KLHL3: variants seen among roughly 807,000 people sequenced by gnomAD.
KLHL3 encodes the protein kelch like family member 3.
Under a neutral mutation model 70.5 loss-of-function variants are expected in KLHL3, and 19 were observed. The observed-to-expected ratio is 0.27, with a 90% CI of 0.19 to 0.40. KLHL3 has a LOEUF of 0.40. Among genes scored for constraint, KLHL3 ranks in the 10% least tolerant of loss-of-function variants. The pLI, the probability that KLHL3 is intolerant of heterozygous loss-of-function variation, is 1.00. For missense variants in KLHL3, 512 were observed against 771.1 expected, an observed-to-expected ratio of 0.66 and a Z score of 3.98; for synonymous variants, 258 against 290.3, an observed-to-expected ratio of 0.89 and a Z score of 1.13.
Position 137,628,433 on chromosome 5 carries a change from A to G in KLHL3, c.1455T>C (p.Val485=). ...DMSTRRSGAG[V]GVLSGQLYAT... Reference sequence around the variant, plus strand: ...CGTACAGCTGTCCGCTAAGCACTCCAACCCCTGAAAGGCAGAGCACAGCAT... The same window carrying G: ...CGTACAGCTGTCCGCTAAGCACTCCGACCCCTGAAAGGCAGAGCACAGCAT... The change falls in exon 13 of 15, where the codon GTT becomes GTC. Residue 485 remains valine, a synonymous_variant. Transcript: ENST00000309755. The G allele has an allele frequency of 6.2e-7, 1 of 1,614,154 alleles. No individual in the cohort carries two copies. Among genetic ancestry groups the G allele is most frequent in the Non-Finnish European group, 8.5e-7 (1 of 1,180,020 alleles).
chr5:137,632,493 T>C (rs1044629152), intron 12 of KLHL3, among the ~76,000 whole-genome samples: 51 of 152,082 alleles, frequency 3.4e-4, no homozygotes, highest in Admixed American at 2.9e-3. Context: ...TCTTACCATA[T>C]ACAAAAATTA....
intron 4 of KLHL3, among the ~76,000 whole-genome samples, chr5:137,696,661 G>A (rs1167650966): frequency 6.6e-6 from 1 of 152,192 alleles, no homozygotes; most frequent in African/African-American, 2.4e-5. Flanking sequence ...CATAGCCACA[G>A]AGCACAGTGA....
intron 2 of KLHL3, among the ~76,000 whole-genome samples, chr5:137,719,571 C>T (rs1752958207): frequency 6.6e-6 from 1 of 152,246 alleles, no homozygotes. Context: ...ATGTTCAGAG[C>T]CCCGAACCTG....
intron 8 of KLHL3, chr5:137,647,611 G>C: frequency 2.1e-6 from 1 of 472,526 alleles, no homozygotes; most frequent in Non-Finnish European, 4.4e-6. Flanking sequence ...CAGGAAGCGA[G>C]AGTCTCTCTT....
intron 8 of KLHL3, among the ~76,000 whole-genome samples, chr5:137,641,602 G>A (rs1046831226): frequency 2.6e-5 from 4 of 152,112 alleles, no homozygotes; most frequent in Non-Finnish European, 4.4e-5. Context: ...GTGTGAACTC[G>A]CAAAGGCACA....
intron 14 of KLHL3, among the ~76,000 whole-genome samples, chr5:137,622,809 T>C (rs887866317): frequency 6.6e-6 from 1 of 152,238 alleles, no homozygotes; most frequent in Non-Finnish European, 1.5e-5. Context: ...AATCTCACTG[T>C]AAGGGACTGA....
At chr5:137,684,213 T>C (rs989875172) in intron 5 of KLHL3, among the ~76,000 whole-genome samples, 1 of 152,208 alleles carries the variant, frequency 6.6e-6, no homozygotes, top group Non-Finnish European at 1.5e-5. Flanking sequence ...AAATAATAAC[T>C]CTTATACTTA....
At chr5:137,637,106 C>T (rs1451305396) in intron 11 of KLHL3, among the ~76,000 whole-genome samples, 188 bp downstream of exon 11, 1 of 152,176 alleles carries the variant, frequency 6.6e-6, no homozygotes, top group Non-Finnish European at 1.5e-5. Context: ...CAGCCTTGGG[C>T]CAGGAGCTCC....
intron 11 of KLHL3, among the ~76,000 whole-genome samples, chr5:137,636,797 G>A (rs933252717): frequency 6.6e-6 from 1 of 152,130 alleles, no homozygotes; most frequent in Admixed American, 6.5e-5. Flanking sequence ...CAGCTTTCCT[G>A]ACTAGAACTG....
chr5:137,636,954 C>T lies in KLHL3; in HGVS notation c.1321+340G>A, dbSNP rs536762476. On this transcript the variant is annotated intron_variant, in intron 11 of 14. Coordinates refer to ENST00000309755, the MANE Select transcript of KLHL3 (RefSeq NM_017415.3). ...AACTCTCACTCTACTACATTATCCT[C>T]CTGGGTTATATGCTGAATATGGATT... is the stretch of plus-strand genomic sequence containing the variant. Among the ~76,000 whole-genome samples, 9 of 152,310 alleles carry T rather than the reference C, an allele frequency of 5.9e-5. No individual in the cohort carries two copies. The East Asian group carries it at 1.7e-3, about 29-fold the overall frequency.
At position 137,677,605 on chromosome 5, in the gene KLHL3, A is replaced by G. The variant is rs768027611; in HGVS notation, c.576T>C (p.Ser192=). Residue 192 remains serine (S), a synonymous_variant, in exon 6 of 15, where the codon AGT becomes AGC. Coordinates refer to ENST00000309755, the MANE Select transcript of KLHL3 (RefSeq NM_017415.3). ...VMLGEEFLSL[S]LDQVCSLISS... is the part of the protein sequence containing the mutation. ...ATATCAAGCTGCACACCTGGTCCAG[A>G]CTCAGGCTAAGAAATTCTTCTCCTA... is the stretch of plus-strand genomic sequence containing the variant. 3.7e-6 allele frequency: 6 copies of G among 1,610,448 alleles called. No individual in the cohort carries two copies. The highest frequency in any genetic ancestry group is 5.1e-6 in the Non-Finnish European group (6 of 1,178,516).
chr5:137,684,461 C>A (rs1752113074), intron 5 of KLHL3, among the ~76,000 whole-genome samples: 2 of 152,034 alleles, frequency 1.3e-5, no homozygotes. Flanking sequence ...ATGACTCAAT[C>A]AATCAAAAAA....
intron 6 of KLHL3, among the ~76,000 whole-genome samples, chr5:137,675,969 T>C (rs1347176422): frequency 6.6e-6 from 1 of 152,204 alleles, no homozygotes; most frequent in African/African-American, 2.4e-5. Context: ...ATTGTGCCAA[T>C]TTGACAGCAT....
chr5:137,647,131 G>A (rs954072214), intron 8 of KLHL3, among the ~76,000 whole-genome samples: 2 of 152,258 alleles, frequency 1.3e-5, no homozygotes, highest in South Asian at 4.1e-4. Context: ...AAGTCAAATA[G>A]CCATTTATTT....
At chr5:137,627,255 G>A (rs1349304887) in intron 13 of KLHL3, among the ~76,000 whole-genome samples, 2 of 152,028 alleles carry the variant, frequency 1.3e-5, no homozygotes, top group African/African-American at 4.8e-5. Context: ...TAAAAAACAG[G>A]TTATAAAATA....
intron 1 of KLHL3, among the ~76,000 whole-genome samples, chr5:137,732,644 A>G (rs865889404): frequency 5.0e-4 from 76 of 152,108 alleles, no homozygotes; most frequent in African/African-American, 1.7e-3. Flanking sequence ...GATGATAAAA[A>G]AAGAGAGGTC....
chr5:137,686,249 G>C (rs1009406749), intron 5 of KLHL3, among the ~76,000 whole-genome samples: 1 of 152,152 alleles, frequency 6.6e-6, no homozygotes. Context: ...GCAGTGACCT[G>C]AGGATTCCTG....
chr5:137,617,691 T>C lies in KLHL3; in HGVS notation c.*4407A>G, dbSNP rs1277550973. On this transcript the variant is annotated 3_prime_UTR_variant, in exon 15 of 15. Coordinates refer to ENST00000309755, the MANE Select transcript of KLHL3 (RefSeq NM_017415.3). Reference sequence around the variant, plus strand: ...AACACCAGATCGAGGATCTTACCTATGCAATATGTTGTACGGGGTGTCAGT... The same window carrying C: ...AACACCAGATCGAGGATCTTACCTACGCAATATGTTGTACGGGGTGTCAGT... 2 of 152,224 alleles carry C rather than the reference T, an allele frequency of 1.3e-5. No homozygotes were observed. The highest frequency in any genetic ancestry group is 2.4e-5 in the African/African-American group (1 of 41,442). 9.4% of individuals were successfully genotyped at this position (152,224 alleles called of 1,614,324 possible).
At chr5:137,622,910 G>A (rs1453306651) in intron 14 of KLHL3, among the ~76,000 whole-genome samples, 1 of 152,164 alleles carries the variant, frequency 6.6e-6, no homozygotes, top group East Asian at 1.9e-4. Context: ...GCAAGCTCAG[G>A]TTCCCAGACT....
Sources: gnomAD v4.1 joint callset for allele counts (sites outside exome capture counted in the v4.1 genomes callset) on GRCh38, gnomAD v4.1.1 for gene constraint, MANE v1.5 for transcripts, NCBI Gene and HGNC (gene_info 2026-07-23, HGNC 2026-07-21) for gene names.